The following AASDH variants were observed in gnomAD, a reference collection of about 807,000 sequenced individuals.
The protein encoded by AASDH is aminoadipate-semialdehyde dehydrogenase.
Under a neutral mutation model 102.3 loss-of-function variants are expected in AASDH, and 81 were observed. That is an observed-to-expected ratio of 0.79 (90% CI 0.66 to 0.95). The LOEUF (loss-of-function observed/expected upper bound fraction) is 0.95. Among genes scored for constraint, AASDH ranks in the 40% least tolerant of loss-of-function variants. AASDH has a pLI of 0.00. For missense variants in AASDH, 1,203 were observed against 1,266.2 expected, an observed-to-expected ratio of 0.95 and a Z score of 0.76; for synonymous variants, 398 against 454.0, an observed-to-expected ratio of 0.88 and a Z score of 1.57.
At chr4:56,346,892 CATT>C (rs771559480) in intron 11 of AASDH, among the ~76,000 whole-genome samples, 5 of 151,798 alleles carry the variant, frequency 3.3e-5, no homozygotes, top group Non-Finnish European at 5.9e-5. Flanking sequence ...AAATTACAAA[CATT>C]AGCCAGGTGT....
Position 56,338,763 on chromosome 4 carries a change from A to G in AASDH, c.2936T>C (p.Ile979Thr), listed in dbSNP as rs147527227. The G allele has an allele frequency of 1.9e-6, 3 of 1,614,140 alleles. No homozygotes were observed. Among genetic ancestry groups the G allele is most frequent in the Non-Finnish European group, 2.5e-6 (3 of 1,180,004 alleles). The stretch of plus-strand genomic sequence containing the variant: ...TGGTGAGGTACACGGGGATGAAAAG[A>G]TTGGTCCACTGGTAGAGAACTGCCA... ...QVWQFSTSGP[I>T]FSSPCTSPSE... Residue 979 changes from isoleucine to threonine, a missense_variant, in exon 15 of 15, where the codon ATC becomes ACC. Coordinates refer to ENST00000205214, the MANE Select transcript of AASDH (RefSeq NM_181806.4).
At chr4:56,347,664 G>C (rs1247279822) in intron 11 of AASDH, among the ~76,000 whole-genome samples, 2 of 152,044 alleles carry the variant, frequency 1.3e-5, no homozygotes, top group East Asian at 3.9e-4. Flanking sequence ...CACTTTGGGA[G>C]GCTGAGGTGG....
At chr4:56,385,851 CACCT>C (rs2110020194) in intron 1 of AASDH, among the ~76,000 whole-genome samples, 1 of 152,226 alleles carries the variant, frequency 6.6e-6, no homozygotes, top group East Asian at 1.9e-4. Context: ...CTAAGTGATC[CACCT>C]ACCTTGGCCT....
chr4:56,384,557 CA>C (rs1753332974), intron 1 of AASDH, among the ~76,000 whole-genome samples: 1 of 151,890 alleles, frequency 6.6e-6, no homozygotes, highest in Non-Finnish European at 1.5e-5. Flanking sequence ...GTCAGAGCAT[CA>C]AAAAAATTTG....
chr4:56,355,312 A>G lies in AASDH; in HGVS notation c.973T>C (p.Leu325=), dbSNP rs376025750. 7.7e-5 allele frequency: 124 copies of G among 1,614,050 alleles called. No individual in the cohort carries two copies. Among genetic ancestry groups the G allele is most frequent in the Non-Finnish European group, 9.2e-5 (109 of 1,180,030 alleles). ...CCTCTCCAGCTTCTGAGAACTGTCA[A>G]TGATGGAAACGCTTCACCACCAAGG... The part of the protein sequence containing the change: ...LALGGEAFPS[L]TVLRSWRGEG... The change falls in exon 6 of 15, where the codon TTG becomes CTG. Residue 325 remains leucine, a synonymous_variant. Coordinates refer to ENST00000205214, the MANE Select transcript of AASDH (RefSeq NM_181806.4).
chr4:56,346,892 C>T (rs1159750719), intron 11 of AASDH, among the ~76,000 whole-genome samples: 1 of 151,798 alleles, frequency 6.6e-6, no homozygotes, highest in Non-Finnish European at 1.5e-5. Context: ...AAATTACAAA[C>T]ATTAGCCAGG....
intron 3 of AASDH, among the ~76,000 whole-genome samples, chr4:56,378,810 CT>C (rs923210489): frequency 2.2e-3 from 258 of 117,462 alleles, no homozygotes; most frequent in African/African-American, 7.4e-3. Context: ...TGAATATTTT[CT>C]TTTTTTTTTT....
Position 56,349,833 on chromosome 4 carries a change from T to C in AASDH, c.1918A>G (p.Lys640Glu). 6.2e-7 allele frequency: 1 copy of C among 1,614,162 alleles called. No individual in the cohort carries two copies. The highest frequency in any genetic ancestry group is 8.5e-7 in the Non-Finnish European group (1 of 1,180,018). Residue 640 changes from lysine (K) to glutamate (E), a missense_variant, in exon 11 of 15, where the codon AAG (lysine) becomes GAG (glutamate). Transcript: ENST00000205214. Reference protein sequence around the residue: ...VVPDEDVTFRKSCATKRKLSD... With the variant: ...VVPDEDVTFRESCATKRKLSD... The stretch of plus-strand genomic sequence containing the variant: ...AGTTTCCTTTTTGTGGCACAACTCT[T>C]CCTGAATGTCACATCTTCATCTGGA...
At chr4:56,353,077 C>A (rs938326220) in intron 9 of AASDH, among the ~76,000 whole-genome samples, 2 of 151,808 alleles carry the variant, frequency 1.3e-5, no homozygotes, top group African/African-American at 4.8e-5. Flanking sequence ...ACATAGCACA[C>A]TGTGCCCTCA....
chr4:56,346,437 A>G (rs75917694), intron 11 of AASDH, among the ~76,000 whole-genome samples: 1,943 of 152,278 alleles, frequency 0.013, 47 homozygotes, highest in African/African-American at 0.044. Context: ...AAGACAATAC[A>G]AAAGAAAATC....
At chr4:56,344,414 C>T (rs1040583319) in intron 12 of AASDH, among the ~76,000 whole-genome samples, 1 of 152,054 alleles carries the variant, frequency 6.6e-6, no homozygotes, top group Non-Finnish European at 1.5e-5. Flanking sequence ...TATTTATATA[C>T]ATTTACTAGC....
At chr4:56,356,823 T>C in intron 5 of AASDH, 1 of 789,248 alleles carries the variant, frequency 1.3e-6, no homozygotes, top group Non-Finnish European at 2.2e-6. Context: ...ACAGATACGA[T>C]GAGATCCACC....
intron 2 of AASDH, among the ~76,000 whole-genome samples, chr4:56,383,074 A>G (rs1038659926): frequency 2.0e-5 from 3 of 152,216 alleles, no homozygotes; most frequent in Admixed American, 1.3e-4. Context: ...AAATAAATAC[A>G]TAAACACTGT....
chr4:56,365,930 A>G (rs1245281055), intron 5 of AASDH, among the ~76,000 whole-genome samples: 1 of 152,200 alleles, frequency 6.6e-6, no homozygotes, highest in African/African-American at 2.4e-5. Context: ...TGAATCCAGG[A>G]GCTGGTTTTT....
At chr4:56,363,324 A>G (rs945136640) in intron 5 of AASDH, among the ~76,000 whole-genome samples, 2 of 152,242 alleles carry the variant, frequency 1.3e-5, no homozygotes, top group African/African-American at 4.8e-5. Context: ...AAAAGGCAAC[A>G]GCAACCTCTG....
chr4:56,369,964 C>CA (rs1751496194), intron 5 of AASDH, among the ~76,000 whole-genome samples: 1 of 142,284 alleles, frequency 7.0e-6, no homozygotes, highest in Non-Finnish European at 1.5e-5. Flanking sequence ...AAAAAAAAAA[C>CA]AGACAATGGA....
At position 56,349,972 on chromosome 4, in the gene AASDH, GA is replaced by G. The variant is rs1243887152; in HGVS notation, c.1778del (p.Ile593ThrfsTer28). ...GTTTTTCAATCTCACTGAGGAGCCG[GA>G]TGGACTTTAAGGAATCTCCACCACT... is the stretch of plus-strand genomic sequence containing the variant. ...LNSGGDSLKS[I>X]RLLSEIEKLV... On this transcript the variant is annotated frameshift_variant, in exon 11 of 15. Transcript: ENST00000205214. LOFTEE classifies it high-confidence loss of function. The G allele has an allele frequency of 1.2e-6, 2 of 1,613,400 alleles. No homozygotes were observed. Among genetic ancestry groups the G allele is most frequent in the Admixed American group, 3.3e-5 (2 of 60,012 alleles).
intron 14 of AASDH, among the ~76,000 whole-genome samples, chr4:56,341,389 CTT>C (rs575687659): frequency 3.6e-4 from 33 of 92,400 alleles, no homozygotes; most frequent in Middle Eastern, 9.1e-3. Flanking sequence ...AGACTTTTAT[CTT>C]TTTTTTTTTT....
chr4:56,383,035 C>A (rs1347486176), intron 2 of AASDH, among the ~76,000 whole-genome samples: 1 of 152,136 alleles, frequency 6.6e-6, no homozygotes, highest in Non-Finnish European at 1.5e-5. Context: ...CCAGCCTGGG[C>A]AATAAGAGTG....
Sources: gnomAD v4.1 joint callset for allele counts (sites outside exome capture counted in the v4.1 genomes callset) on GRCh38, gnomAD v4.1.1 for gene constraint, MANE v1.5 for transcripts, NCBI Gene and HGNC (gene_info 2026-07-23, HGNC 2026-07-21) for gene names.